The following VPS50 variants were observed in gnomAD, a reference collection of about 807,000 sequenced individuals.
VPS50 encodes syndetin.
Under a neutral mutation model 139.7 loss-of-function variants are expected in VPS50, and 70 were observed. The ratio of observed to expected loss-of-function variants is 0.50; its 90% CI spans 0.41 to 0.61. The LOEUF (loss-of-function observed/expected upper bound fraction) is 0.61, where lower values mean the gene tolerates loss of function less well. Ranked by LOEUF, VPS50 falls within the 20% of genes least tolerant of loss-of-function variation. The pLI, the probability that VPS50 is intolerant of heterozygous loss-of-function variation, is 0.00. For synonymous variants in VPS50, 365 were observed against 376.7 expected, an observed-to-expected ratio of 0.97 and a Z score of 0.36; for missense variants, 921 against 1,133.7, an observed-to-expected ratio of 0.81 and a Z score of 2.69.
At chr7:93,355,184 TTAAGG>T (rs941252348) in intron 26 of VPS50, among the ~76,000 whole-genome samples, 1 of 152,048 alleles carries the variant, frequency 6.6e-6, no homozygotes, top group South Asian at 2.1e-4. Flanking sequence ...GCAACTTTCC[TTAAGG>T]TAAGTACCTC....
rs141792980 is a variant in VPS50, at chr7:93,342,249, C to T, written c.2207+674C>T. Among the ~76,000 whole-genome samples, 794 of 152,310 alleles carry T rather than the reference C, an allele frequency of 5.2e-3. 7 individuals carry two copies. Among genetic ancestry groups the T allele is most frequent in the African/African-American group, 0.018 (749 of 41,560 alleles). On this transcript the variant is annotated intron_variant, in intron 23 of 27. Transcript: ENST00000305866. ...CCTGCAAATCTGGGTCACTCCCACC[C>T]GAATACTGTGCTTTTCCGACGGGCT...
At chr7:93,352,783 GATC>G (rs1187084659) in intron 25 of VPS50, among the ~76,000 whole-genome samples, 2 of 152,004 alleles carry the variant, frequency 1.3e-5, no homozygotes, top group African/African-American at 2.4e-5. Flanking sequence ...TTTTTAGTAT[GATC>G]ATGTCATAAA....
At chr7:93,332,232 T>C (rs1053573867) in intron 21 of VPS50, among the ~76,000 whole-genome samples, 2 of 152,250 alleles carry the variant, frequency 1.3e-5, no homozygotes, top group Non-Finnish European at 1.5e-5. Flanking sequence ...GCACCCTTTC[T>C]GGCTAGCAGA....
chr7:93,334,339 A>C (rs1798015160), intron 22 of VPS50, 142 bp downstream of exon 22: 1 of 590,360 alleles, frequency 1.7e-6, no homozygotes, highest in African/African-American at 1.9e-5. Context: ...GAAGTAAAAC[A>C]GAGGTTGCTT....
chr7:93,296,765 C>T lies in VPS50; in HGVS notation c.1191C>T (p.Thr397=), dbSNP rs200434482. The T allele has an allele frequency of 3.7e-6, 6 of 1,603,782 alleles. No individual in the cohort carries two copies. The highest frequency in any genetic ancestry group is 5.1e-6 in the Non-Finnish European group (6 of 1,177,676). Residue 397 remains threonine, a synonymous_variant, in exon 15 of 28, where the codon ACC becomes ACT. Transcript: ENST00000305866. ...IWQDVQLKVK[T]YLLGTDLSIF... is the part of the protein sequence containing the mutation. ...AGGATGTTCAGCTAAAAGTAAAAAC[C>T]TACTTGCTTGGAACTGATTTGTCTA...
rs770059702 is a variant in VPS50 at position 93,272,718 on chromosome 7, T to G, written c.786T>G (p.Leu262=). ...CCAAGGTTCAACAAGCTTATCGACT[T>G]CTTGGAAAAACACAGGTTTGTTACA... is the stretch of plus-strand genomic sequence containing the variant. ...HYTKVQQAYR[L]LGKTQTAMDQ... The change falls in exon 11 of 28, where the codon CTT becomes CTG. Residue 262 remains leucine (L), a synonymous_variant. Coordinates refer to ENST00000305866, the MANE Select transcript of VPS50 (RefSeq NM_017667.4). 3 of 1,529,252 alleles carry G rather than the reference T, an allele frequency of 2.0e-6. No individual in the cohort carries two copies. Among genetic ancestry groups the G allele is most frequent in the East Asian group, 4.7e-5 (2 of 42,322 alleles). 94.7% of individuals were successfully genotyped at this position (1,529,252 alleles called of 1,614,324 possible). A position where few individuals can be genotyped will look rare whatever the true frequency, so the allele number is the denominator to read the frequency against.
chr7:93,240,246 C>CACAT (rs1255529956), intron 2 of VPS50, among the ~76,000 whole-genome samples: 27 of 143,876 alleles, frequency 1.9e-4, no homozygotes, highest in African/African-American at 7.5e-4. Flanking sequence ...CACACACACA[C>CACAT]ACACTCTCTC....
At chr7:93,328,704 C>T (rs1228243115) in intron 21 of VPS50, among the ~76,000 whole-genome samples, 7 of 151,996 alleles carry the variant, frequency 4.6e-5, no homozygotes, top group South Asian at 4.1e-4. Context: ...ATGCGGCCCA[C>T]GGTGGGGAAC....
At chr7:93,296,619 T>C in intron 14 of VPS50, 123 bp from the exon 15 acceptor site, 1 of 1,465,372 alleles carries the variant, frequency 6.8e-7, no homozygotes, top group Non-Finnish European at 9.0e-7. Context: ...TAAATAGATA[T>C]TCGTTAACAA....
At chr7:93,343,593 G>C (rs900537486) in intron 23 of VPS50, among the ~76,000 whole-genome samples, 10 of 152,272 alleles carry the variant, frequency 6.6e-5, no homozygotes, top group African/African-American at 9.6e-5. Context: ...GAAAGGTCGG[G>C]TTACCCTCAA....
chr7:93,256,616 T>C (rs1187716036), intron 5 of VPS50, 54 bp downstream of exon 5: 3 of 916,930 alleles, frequency 3.3e-6, no homozygotes, highest in African/African-American at 3.5e-5. Flanking sequence ...TTTGAGTGAT[T>C]TACACTTGAA....
At chr7:93,254,247 C>T (rs546990835) in intron 4 of VPS50, among the ~76,000 whole-genome samples, 1 of 152,274 alleles carries the variant, frequency 6.6e-6, no homozygotes, top group Admixed American at 6.5e-5. Context: ...TATGATTTCC[C>T]TACCCATAGT....
At chr7:93,261,460 G>A (rs1330077124) in intron 9 of VPS50, among the ~76,000 whole-genome samples, 1 of 152,012 alleles carries the variant, frequency 6.6e-6, no homozygotes, top group Non-Finnish European at 1.5e-5. Flanking sequence ...GGCGGATCAC[G>A]AGGTCAGGAG....
At chr7:93,266,260 A>T (rs1177694599) in intron 9 of VPS50, among the ~76,000 whole-genome samples, 2 of 152,216 alleles carry the variant, frequency 1.3e-5, no homozygotes, top group Non-Finnish European at 2.9e-5. Context: ...CGTCTTCAGC[A>T]TATAATAGAA....
intron 2 of VPS50, among the ~76,000 whole-genome samples, chr7:93,240,754 G>A (rs1425680505): frequency 6.6e-6 from 1 of 152,154 alleles, no homozygotes; most frequent in African/African-American, 2.4e-5. Flanking sequence ...TTGATCAGCA[G>A]TTTAAGGCCT....
At chr7:93,296,023 G>A (rs547776323) in intron 14 of VPS50, among the ~76,000 whole-genome samples, 1 of 152,158 alleles carries the variant, frequency 6.6e-6, no homozygotes, top group East Asian at 1.9e-4. Context: ...ACCATGCCCA[G>A]CTTGACCATC....
rs181791022 is a variant in VPS50, at chr7:93,279,793, C to T, written c.942+3488C>T. Among the ~76,000 whole-genome samples the T allele has an allele frequency of 1.8e-4, 28 of 152,206 alleles. No homozygotes were observed. In the East Asian group the frequency reaches 5.2e-3, roughly 28 times the overall value. On this transcript the variant is annotated intron_variant, in intron 12 of 27. Transcript: ENST00000305866. The stretch of plus-strand genomic sequence containing the variant: ...AGTCATACATAGAGCTTAAAAATAA[C>T]ATTGAAAATTAAGATGAATGCTACA...
chr7:93,271,696 C>T (rs1053295611), intron 10 of VPS50, among the ~76,000 whole-genome samples: 14 of 151,576 alleles, frequency 9.2e-5, no homozygotes, highest in African/African-American at 2.4e-4. Flanking sequence ...TCATCAAAAA[C>T]GTAGAAACTA....
At chr7:93,253,063 T>A (rs912676035) in intron 3 of VPS50, among the ~76,000 whole-genome samples, 2 of 152,048 alleles carry the variant, frequency 1.3e-5, no homozygotes, top group Admixed American at 1.3e-4. Flanking sequence ...TTATAGTATC[T>A]ATGTTTAGAG....
Sources: gnomAD v4.1 joint callset for allele counts (sites outside exome capture counted in the v4.1 genomes callset) on GRCh38, gnomAD v4.1.1 for gene constraint, MANE v1.5 for transcripts, NCBI Gene and HGNC (gene_info 2026-07-23, HGNC 2026-07-21) for gene names.